Variants in ITPR1 observed in about 807,000 individuals in gnomAD.
ITPR1 encodes the protein inositol 1,4,5-trisphosphate-gated calcium channel ITPR1.
Under a neutral mutation model 318.4 loss-of-function variants are expected in ITPR1, and 96 were observed. The ratio of observed to expected loss-of-function variants is 0.30; its 90% CI spans 0.26 to 0.36. The LOEUF is 0.36. Ranked by LOEUF, ITPR1 falls within the 10% of genes least tolerant of loss-of-function variation. The probability of loss-of-function intolerance (pLI) is 1.00; values close to 1 mark genes in which losing one functional copy is unlikely to be tolerated. For missense variants in ITPR1, 2,440 were observed against 3,460.2 expected (o/e 0.71, Z 7.40); for synonymous variants, 1,312 against 1,289.9 (o/e 1.02, Z -0.37).
chr3:4,605,256 A>G (rs1274788781), intron 4 of ITPR1, among the ~76,000 whole-genome samples: 2 of 152,104 alleles, frequency 1.3e-5, no homozygotes, highest in Admixed American at 6.5e-5. Flanking sequence ...CCGGCCCTAT[A>G]GTTTTTTAAA....
At chr3:4,833,870 C>G (rs2050692701) in intron 60 of ITPR1, among the ~76,000 whole-genome samples, 1 of 152,282 alleles carries the variant, frequency 6.6e-6, no homozygotes, top group South Asian at 2.1e-4. Context: ...CTCCTAGATA[C>G]AACATAGCCT....
At chr3:4,691,022 C>A in intron 31 of ITPR1, 122 bp from the exon 32 acceptor site, 1 of 573,834 alleles carries the variant, frequency 1.7e-6, no homozygotes, top group South Asian at 4.0e-5. Context: ...AGAAACATAT[C>A]TTCATGGGTT....
In ITPR1 at chr3:4,670,754, G is replaced by A; in HGVS notation, c.2032G>A (p.Glu678Lys). Reference protein sequence around the residue: ...TKLVLSRFEFEGVSSTGENAL... With the variant: ...TKLVLSRFEFKGVSSTGENAL... ...GTTGGTTCTTTCTCGTTTTGAATTT[G>A]AAGGTGTCTCTTCCACTGGAGAGAA... The change falls in exon 20 of 62, where the codon GAA becomes AAA. Residue 678 changes from glutamate (E) to lysine (K), a missense_variant. Physicochemically the swap from Glu to Lys is moderately conservative, Grantham distance 56 (BLOSUM62 1). This residue lies in a region of ITPR1 where 478 missense variants were observed against 696.3 expected (regional missense o/e 0.69). Transcript: ENST00000649015. The A allele has an allele frequency of 1.3e-6, 2 of 1,599,170 alleles. No individual in the cohort carries two copies. Among genetic ancestry groups the A allele is most frequent in the Non-Finnish European group, 1.7e-6 (2 of 1,172,214 alleles).
Position 4,788,150 on chromosome 3 carries a change from A to T in ITPR1, c.6808+11A>T, listed in dbSNP as rs1266097240. ...AGAAGAAACTGAGAGGTGGGTTCCA[A>T]CGCATCAGCAACAACACAGAGAGAC... is the stretch of plus-strand genomic sequence containing the variant. On this transcript the variant is annotated intron_variant, in intron 52 of 61. Coordinates refer to ENST00000649015, the MANE Select transcript of ITPR1 (RefSeq NM_001378452.1). 1.3e-6 allele frequency: 2 copies of T among 1,587,726 alleles called. No individual in the cohort carries two copies. The highest frequency in any genetic ancestry group is 8.6e-7 in the Non-Finnish European group (1 of 1,165,180).
chr3:4,622,901 C>T (rs373400543), intron 4 of ITPR1, among the ~76,000 whole-genome samples: 6 of 152,318 alleles, frequency 3.9e-5, no homozygotes, highest in East Asian at 1.9e-4. Context: ...CCAAAACATA[C>T]AAAACAGACA....
At chr3:4,511,206 G>C (rs903112897) in intron 2 of ITPR1, among the ~76,000 whole-genome samples, 2 of 152,226 alleles carry the variant, frequency 1.3e-5, no homozygotes, top group South Asian at 2.1e-4. Flanking sequence ...AGACGCTGAA[G>C]AGCAGCTCTG....
At chr3:4,733,256 T>C in intron 43 of ITPR1, 36 bp downstream of exon 43, 1 of 1,607,842 alleles carries the variant, frequency 6.2e-7, no homozygotes, top group Non-Finnish European at 8.5e-7. Flanking sequence ...CGTGTGTGAA[T>C]CAAGTGTGTT....
intron 4 of ITPR1, among the ~76,000 whole-genome samples, chr3:4,525,743 A>T (rs886955278): frequency 1.3e-5 from 2 of 152,232 alleles, no homozygotes; most frequent in African/African-American, 4.8e-5. Flanking sequence ...TAATCTTGAA[A>T]GAATAGAGAA....
chr3:4,691,128 C>T lies in ITPR1; in HGVS notation c.3829-16C>T. The T allele has an allele frequency of 1.9e-6, 3 of 1,581,010 alleles. No homozygotes were observed. The highest frequency in any genetic ancestry group is 1.7e-6 in the Non-Finnish European group (2 of 1,158,422). On this transcript the variant is annotated splice_polypyrimidine_tract_variant and intron_variant, in intron 31 of 61. Coordinates refer to ENST00000649015, the MANE Select transcript of ITPR1 (RefSeq NM_001378452.1). ...TTTGACTTGTCCCTGTGCTCTTTTC[C>T]TCACTCTTGTGCCAGATCCTGGAGG...
Position 4,846,404 on chromosome 3 carries a change from T to C in ITPR1, c.*179T>C. Reference sequence around the variant, plus strand: ...AAGGTTTGGATATATGTATTGTAATTAGAATTGTTGGCATGATGACATTTC... The same window carrying C: ...AAGGTTTGGATATATGTATTGTAATCAGAATTGTTGGCATGATGACATTTC... On this transcript the variant is annotated 3_prime_UTR_variant, in exon 62 of 62. Coordinates refer to ENST00000649015, the MANE Select transcript of ITPR1 (RefSeq NM_001378452.1). 1 of 400,196 alleles carries C rather than the reference T, an allele frequency of 2.5e-6. No individual in the cohort carries two copies. The allele number at this position is 400,196 out of a possible 1,614,324, so 24.8% of individuals were successfully genotyped here. A position where few individuals can be genotyped will look rare whatever the true frequency, so the allele number is the denominator to read the frequency against.
chr3:4,822,643 G>T (rs1204017800), intron 60 of ITPR1, among the ~76,000 whole-genome samples: 4 of 152,146 alleles, frequency 2.6e-5, no homozygotes, highest in Non-Finnish European at 4.4e-5. Flanking sequence ...GCAAACCTCA[G>T]ATTAATCATG....
At chr3:4,577,224 G>A (rs1215159448) in intron 4 of ITPR1, among the ~76,000 whole-genome samples, 2 of 152,240 alleles carry the variant, frequency 1.3e-5, no homozygotes, top group Non-Finnish European at 2.9e-5. Context: ...ACGGCTCTCT[G>A]TGCAGCTGCA....
In ITPR1 at chr3:4,545,652, G is replaced by A. The variant is rs1296584242; in HGVS notation, c.163+24558G>A. On this transcript the variant is annotated intron_variant, in intron 4 of 61. Coordinates refer to ENST00000649015, the MANE Select transcript of ITPR1 (RefSeq NM_001378452.1). ...AAAAAAAAAAAAAAAGGCTTTGGAAGCATCTTTTTTTGTGTTCATATCACG... is the reference window on the plus strand; with the variant it reads ...AAAAAAAAAAAAAAAGGCTTTGGAAACATCTTTTTTTGTGTTCATATCACG... 9.2e-5 allele frequency among the ~76,000 whole-genome samples: 13 copies of A among 141,558 alleles called. 1 individual carries two copies. The highest frequency in any genetic ancestry group is 3.1e-4 in the African/African-American group (12 of 38,672). The allele number at this position is 141,558 out of a possible 152,430, so 92.9% of individuals were successfully genotyped here. A position where few individuals can be genotyped will look rare whatever the true frequency, so the allele number is the denominator to read the frequency against.
intron 12 of ITPR1, among the ~76,000 whole-genome samples, chr3:4,657,264 A>G (rs1390221306): frequency 2.0e-5 from 3 of 152,104 alleles, no homozygotes; most frequent in East Asian, 3.9e-4. Flanking sequence ...GGAAGTTGCT[A>G]TATCATATTG....
chr3:4,844,776 T>G (rs2051633964), intron 61 of ITPR1, among the ~76,000 whole-genome samples: 1 of 152,224 alleles, frequency 6.6e-6, no homozygotes, highest in African/African-American at 2.4e-5. Flanking sequence ...AAGCTACCTT[T>G]TGGAAATACT....
In ITPR1 at chr3:4,800,515, T is replaced by C. The variant is rs2048159301; in HGVS notation, c.7022T>C (p.Ile2341Thr). 7.4e-6 allele frequency: 12 copies of C among 1,613,896 alleles called. No homozygotes were observed. The highest frequency in any genetic ancestry group is 1.3e-5 in the African/African-American group (1 of 74,928). The change falls in exon 54 of 62, where the codon ATC (isoleucine) becomes ACC (threonine). Residue 2341 changes from isoleucine to threonine, a missense_variant. By Grantham distance (89) the Ile-to-Thr change is moderately conservative. Coordinates refer to ENST00000649015, the MANE Select transcript of ITPR1 (RefSeq NM_001378452.1). ...ATTGCCCTCCCCAAGCCCCATGGCATCCGGGCCTTAATTGCCTCCACAATT... is the reference window on the plus strand; with the variant it reads ...ATTGCCCTCCCCAAGCCCCATGGCACCCGGGCCTTAATTGCCTCCACAATT... ...IVIALPKPHG[I>T]RALIASTILR...
chr3:4,846,219 A>T lies in ITPR1; in HGVS notation c.8271A>T (p.Pro2757=). Residue 2757 remains proline (P), a synonymous_variant, in exon 62 of 62, where the codon CCA becomes CCT. Transcript: ENST00000649015. ...PPHMNVNPQQ[P]A is the part of the protein sequence containing the mutation. ...ACATGAATGTCAACCCACAACAACC[A>T]GCATAAGCAAATGAAAGAAAGGAAT... 6.4e-7 allele frequency: 1 copy of T among 1,553,432 alleles called. No individual in the cohort carries two copies. The highest frequency in any genetic ancestry group is 8.7e-7 in the Non-Finnish European group (1 of 1,144,578).
intron 58 of ITPR1, chr3:4,814,838 C>A (rs2049185242): frequency 1.7e-6 from 1 of 594,748 alleles, no homozygotes; most frequent in East Asian, 2.8e-5. Context: ...CCTGAACGCA[C>A]AGTGAATATC....
intron 44 of ITPR1, among the ~76,000 whole-genome samples, chr3:4,754,057 G>GGC (rs2044763404): frequency 7.6e-6 from 1 of 131,092 alleles, no homozygotes; most frequent in South Asian, 2.5e-4. Flanking sequence ...ATGGGGGGGG[G>GGC]GTGGCAAGGA....
Sources: allele counts gnomAD v4.1 joint callset (sites outside exome capture counted in the v4.1 genomes callset), GRCh38; gene constraint gnomAD v4.1.1; regional missense constraint gnomAD v4.1.1; transcripts MANE v1.5; gene names NCBI Gene and HGNC (gene_info 2026-07-23, HGNC 2026-07-21).